The following MTA3 variants were observed in gnomAD, a reference collection of about 807,000 sequenced individuals.
The protein encoded by MTA3 is metastasis-associated protein MTA3.
A neutral mutation model predicts 83.5 loss-of-function variants in MTA3; 34 were observed. The observed-to-expected ratio is 0.41, with a 90% confidence interval of 0.31 to 0.54. MTA3 has a LOEUF of 0.54. Among genes scored for constraint, MTA3 ranks in the 20% least tolerant of loss-of-function variants. The probability of loss-of-function intolerance (pLI) is 0.33; values close to 1 mark genes in which losing one functional copy is unlikely to be tolerated. For synonymous variants in MTA3, 303 were observed against 252.7 expected (o/e 1.20, Z -1.89); for missense variants, 761 against 726.4 (o/e 1.05, Z -0.55).
At chr2:42,522,069 T>G (rs1675454284) in intron 2 of MTA3, among the ~76,000 whole-genome samples, 1 of 152,120 alleles carries the variant, frequency 6.6e-6, no homozygotes, top group South Asian at 2.1e-4. Flanking sequence ...TGAATCTTTC[T>G]AAGGCAGCAA....
chr2:42,584,164 A>T (rs1680000185), intron 3 of MTA3, among the ~76,000 whole-genome samples: 1 of 152,036 alleles, frequency 6.6e-6, no homozygotes, highest in Non-Finnish European at 1.5e-5. Context: ...AAAAAAACAA[A>T]CTTTTTATTA....
intron 8 of MTA3, among the ~76,000 whole-genome samples, chr2:42,667,592 G>GTTTGTGTGTGTGTGTC (rs1558562306): frequency 7.7e-6 from 1 of 130,134 alleles, no homozygotes; most frequent in East Asian, 2.1e-4. Flanking sequence ...GTGTGTGTGT[G>GTTTGTGTGTGTGTGTC]TGTGTGTGTG....
chr2:42,512,559 T>C (rs1428446246), intron 2 of MTA3, among the ~76,000 whole-genome samples: 1 of 152,194 alleles, frequency 6.6e-6, no homozygotes, highest in Non-Finnish European at 1.5e-5. Flanking sequence ...TTATCCCCTT[T>C]CACTAGCTTC....
intron 3 of MTA3, among the ~76,000 whole-genome samples, chr2:42,580,813 G>C (rs1277030600): frequency 5.9e-5 from 9 of 152,036 alleles, no homozygotes; most frequent in Admixed American, 5.9e-4. Flanking sequence ...CCAGGCTGGT[G>C]TTGAACTCCT....
intron 3 of MTA3, among the ~76,000 whole-genome samples, chr2:42,605,009 C>T (rs924694355): frequency 1.3e-5 from 2 of 150,436 alleles, no homozygotes; most frequent in South Asian, 2.1e-4. Flanking sequence ...GGCAACCATC[C>T]GATTTCTCAA....
At chr2:42,532,652 C>T (rs1676031920) in intron 2 of MTA3, 1 of 160,362 alleles carries the variant, frequency 6.2e-6, no homozygotes. Flanking sequence ...AATTAGTACA[C>T]AATTAAAATT....
chr2:42,685,779 C>CA (rs929096523), intron 9 of MTA3, among the ~76,000 whole-genome samples: 3 of 152,180 alleles, frequency 2.0e-5, no homozygotes, highest in African/African-American at 7.2e-5. Flanking sequence ...GATAGAATGT[C>CA]AGAGTGTTAA....
intron 16 of MTA3, among the ~76,000 whole-genome samples, chr2:42,740,234 G>T (rs577390870): frequency 6.6e-6 from 1 of 152,364 alleles, no homozygotes; most frequent in African/African-American, 2.4e-5. Flanking sequence ...TCCTTGGCTG[G>T]GCGTGGTGGT....
intron 2 of MTA3, among the ~76,000 whole-genome samples, chr2:42,510,750 G>T (rs1402482460): frequency 2.0e-5 from 3 of 152,152 alleles, no homozygotes; most frequent in African/African-American, 4.8e-5. Context: ...AAGCGTTCCA[G>T]CAAAGCAAGC....
intron 16 of MTA3, among the ~76,000 whole-genome samples, chr2:42,752,980 C>T (rs1669997156): frequency 6.6e-6 from 1 of 151,440 alleles, no homozygotes; most frequent in South Asian, 2.1e-4. Flanking sequence ...GCTGGAGTGC[C>T]GTGGTGCGAC....
At chr2:42,497,684 A>C (rs927402594) in intron 2 of MTA3, among the ~76,000 whole-genome samples, 1 of 152,146 alleles carries the variant, frequency 6.6e-6, no homozygotes, top group African/African-American at 2.4e-5. Context: ...CAGTTCCTTA[A>C]ACCTCATTGA....
At chr2:42,622,274 C>T (rs1378662102) in intron 4 of MTA3, among the ~76,000 whole-genome samples, 4 of 152,150 alleles carry the variant, frequency 2.6e-5, no homozygotes, top group African/African-American at 9.7e-5. Context: ...GGCTTGGCGG[C>T]GCGCGCCTGC....
At chr2:42,603,135 A>AG (rs1682794849) in intron 3 of MTA3, among the ~76,000 whole-genome samples, 1 of 140,512 alleles carries the variant, frequency 7.1e-6, no homozygotes, top group African/African-American at 2.7e-5. Context: ...TGCTGGGGGT[A>AG]GGGTGGAAGG....
In MTA3 at chr2:42,754,482, C is replaced by T. The variant is rs1175591643; in HGVS notation, c.*1083C>T. 1.1e-5 allele frequency: 11 copies of T among 985,434 alleles called. No homozygotes were observed. The highest frequency in any genetic ancestry group is 9.4e-5 in the South Asian group (2 of 21,294). 61.0% of individuals were successfully genotyped at this position (985,434 alleles called of 1,614,324 possible). On this transcript the variant is annotated 3_prime_UTR_variant, in exon 17 of 17. Coordinates refer to ENST00000405094, the MANE Select transcript of MTA3 (RefSeq NM_001330442.2). ...TCGTGTTTCCCACCTGCCCTCGGCACGAGCCCTTGGTGGCATCACAGTTGG... is the reference window on the plus strand; with the variant it reads ...TCGTGTTTCCCACCTGCCCTCGGCATGAGCCCTTGGTGGCATCACAGTTGG...
intron 2 of MTA3, among the ~76,000 whole-genome samples, chr2:42,548,802 CA>C (rs1362657510): frequency 0.01 from 431 of 42,876 alleles, 20 homozygotes; most frequent in Non-Finnish European, 0.014. Context: ...GACCCTGTCT[CA>C]AAAAAAAATA....
At chr2:42,698,687 C>G (rs1169934616) in intron 11 of MTA3, among the ~76,000 whole-genome samples, 1 of 152,090 alleles carries the variant, frequency 6.6e-6, no homozygotes, top group Non-Finnish European at 1.5e-5. Context: ...TGTTTAATAA[C>G]TAGCCTTTTG....
At chr2:42,682,033 C>T (rs1424148209) in intron 8 of MTA3, among the ~76,000 whole-genome samples, 2 of 151,814 alleles carry the variant, frequency 1.3e-5, no homozygotes, top group Admixed American at 6.6e-5. Flanking sequence ...ATAGCGAGAC[C>T]CCCATCTCTA....
intron 3 of MTA3, among the ~76,000 whole-genome samples, chr2:42,598,520 G>A (rs1397016141): frequency 6.6e-6 from 1 of 152,016 alleles, no homozygotes; most frequent in African/African-American, 2.4e-5. Flanking sequence ...GTATTTTTTG[G>A]TTGAGTCCTT....
chr2:42,709,380 A>C, intron 14 of MTA3: 2 of 1,101,352 alleles, frequency 1.8e-6, no homozygotes, highest in South Asian at 3.8e-5. Flanking sequence ...GGGTTTTGTG[A>C]TGGAATTGCC....
Sources: allele counts gnomAD v4.1 joint callset (sites outside exome capture counted in the v4.1 genomes callset), GRCh38; gene constraint gnomAD v4.1.1; transcripts MANE v1.5; gene names NCBI Gene and HGNC (gene_info 2026-07-23, HGNC 2026-07-21).